The following DAG1 variants were observed in gnomAD, a reference collection of about 807,000 sequenced individuals.
The protein encoded by DAG1 is dystroglycan 1, also known as dystroglycan 1 (dystrophin-associated glycoprotein 1).
DAG1 carries 8 observed loss-of-function variants against 46.1 expected under a neutral mutation model. The ratio of observed to expected loss-of-function variants is 0.17; its 90% CI spans 0.10 to 0.31. The LOEUF is 0.31. DAG1 is among the 10% of genes least tolerant of loss of function. The pLI, the probability that DAG1 is intolerant of heterozygous loss-of-function variation, is 1.00. For synonymous variants in DAG1, 495 were observed against 481.8 expected, an observed-to-expected ratio of 1.03 and a Z score of -0.36; for missense variants, 1,003 against 1,189.9, an observed-to-expected ratio of 0.84 and a Z score of 2.31.
At chr3:49,513,419 C>G (rs546739511) in intron 2 of DAG1, among the ~76,000 whole-genome samples, 5 of 152,292 alleles carry the variant, frequency 3.3e-5, no homozygotes, top group Admixed American at 2.6e-4. Context: ...CTCCATTGGT[C>G]AAAGCACATA....
chr3:49,520,319 C>T (rs1024808064), intron 2 of DAG1, among the ~76,000 whole-genome samples: 3 of 152,234 alleles, frequency 2.0e-5, no homozygotes, highest in African/African-American at 7.2e-5. Context: ...AGCACCAAGG[C>T]TGATACTCCA....
At position 49,533,107 on chromosome 3, in the gene DAG1, C is replaced by T; in HGVS notation, c.2596C>T (p.Pro866Ser). 1 of 1,614,232 alleles carries T rather than the reference C, an allele frequency of 6.2e-7. No homozygotes were observed. The highest frequency in any genetic ancestry group is 8.5e-7 in the Non-Finnish European group (1 of 1,180,040). Residue 866 changes from proline to serine, a missense_variant, in exon 3 of 3, where the codon CCA (proline) becomes TCA (serine). By Grantham distance (74) the Pro-to-Ser change is moderately conservative (BLOSUM62 -1). Around this residue, in one of 3 missense-constraint regions of DAG1, gnomAD observed 755 missense variants for 854.1 expected, o/e 0.88. Transcript: ENST00000308775. ...EDPNAPPYQP[P>S]PPFTAPMEGK... ...TCCCAATGCGCCTCCCTACCAGCCC[C>T]CACCGCCCTTCACAGCACCCATGGA...
intron 1 of DAG1, among the ~76,000 whole-genome samples, chr3:49,495,899 C>T (rs534683389): frequency 4.6e-5 from 7 of 151,478 alleles, no homozygotes; most frequent in Non-Finnish European, 8.8e-5. Context: ...CCAGCCTGGG[C>T]GACAGAGCGA....
intron 2 of DAG1, among the ~76,000 whole-genome samples, chr3:49,524,701 G>T (rs71324972): frequency 6.6e-6 from 1 of 152,002 alleles, no homozygotes; most frequent in Non-Finnish European, 1.5e-5. Context: ...TATATTTAAG[G>T]GCTGGGCATG....
intron 1 of DAG1, among the ~76,000 whole-genome samples, chr3:49,473,802 T>TCC (rs2049596419): frequency 6.6e-6 from 1 of 151,956 alleles, no homozygotes; most frequent in African/African-American, 2.4e-5. Flanking sequence ...CAGCCTAATC[T>TCC]TGAACTCTTG....
chr3:49,475,948 C>T (rs958195517), intron 1 of DAG1, among the ~76,000 whole-genome samples: 7 of 151,942 alleles, frequency 4.6e-5, no homozygotes, highest in African/African-American at 1.7e-4. Context: ...ATCTCCTGAC[C>T]TCATGATCTG....
chr3:49,529,417 G>A (rs2051282199), intron 2 of DAG1, among the ~76,000 whole-genome samples: 1 of 152,214 alleles, frequency 6.6e-6, no homozygotes, highest in Non-Finnish European at 1.5e-5. Context: ...TGATAAGGCT[G>A]CTGCCTGGAC....
intron 1 of DAG1, among the ~76,000 whole-genome samples, chr3:49,492,516 C>T (rs2107356548): frequency 6.6e-6 from 1 of 151,908 alleles, no homozygotes; most frequent in East Asian, 1.9e-4. Context: ...TGTGGTGGTG[C>T]CATGTTTGTA....
At position 49,533,980 on chromosome 3, in the gene DAG1, T is replaced by C. The variant is rs1432003670; in HGVS notation, c.*781T>C. 3 of 156,100 alleles carry C rather than the reference T, an allele frequency of 1.9e-5. No homozygotes were observed. The highest frequency in any genetic ancestry group is 6.3e-5 in the Admixed American group (1 of 15,858). 9.7% of individuals were successfully genotyped at this position (156,100 alleles called of 1,614,324 possible). On this transcript the variant is annotated 3_prime_UTR_variant, in exon 3 of 3. Coordinates refer to ENST00000308775, the MANE Select transcript of DAG1 (RefSeq NM_004393.6). ...GAAGCTGGAGGGGTCTCTTGGGCCA[T>C]GGACATCCCCACTTCCAGCCCATGT...
rs1180942537 is a variant in DAG1, at chr3:49,530,829, T to G, written c.318T>G (p.Ser106=). The G allele has an allele frequency of 1.9e-6, 3 of 1,614,242 alleles. No homozygotes were observed. The Admixed American group carries it at 5.0e-5, about 27-fold the overall frequency. ...VSAAGKEALP[S]WLHWDSQSHT... The stretch of plus-strand genomic sequence containing the variant: ...CGGCAGGGAAGGAGGCTTTGCCATC[T>G]TGGCTGCACTGGGACTCACAGAGCC... Residue 106 remains serine (S), a synonymous_variant, in exon 3 of 3, where the codon TCT becomes TCG. Coordinates refer to ENST00000308775, the MANE Select transcript of DAG1 (RefSeq NM_004393.6).
chr3:49,530,781 CT>C lies in DAG1; in HGVS notation c.286-14del, dbSNP rs756390595. The C allele has an allele frequency of 1.9e-6, 3 of 1,614,052 alleles. No individual in the cohort carries two copies. The highest frequency in any genetic ancestry group is 2.7e-5 in the African/African-American group (2 of 74,922). ...GTGACAATAGTATTTTTAATTTATG[CT>C]TGTGTCTCTTCTAGGTATCAGCGGC... On this transcript the variant is annotated splice_polypyrimidine_tract_variant and intron_variant, in intron 2 of 2. Transcript: ENST00000308775.
chr3:49,515,170 A>G (rs2050864548), intron 2 of DAG1, among the ~76,000 whole-genome samples: 1 of 151,332 alleles, frequency 6.6e-6, no homozygotes, highest in Non-Finnish European at 1.5e-5. Context: ...GGGTTTCACC[A>G]TGTTGGCCAG....
At chr3:49,522,033 TTTTA>T (rs1056008920) in intron 2 of DAG1, among the ~76,000 whole-genome samples, 2 of 116,220 alleles carry the variant, frequency 1.7e-5, no homozygotes, top group South Asian at 4.4e-4. Flanking sequence ...TTTTACTTTA[TTTTA>T]TTTTTTTTTG....
chr3:49,513,533 G>A (rs1458580572), intron 2 of DAG1, among the ~76,000 whole-genome samples: 1 of 152,062 alleles, frequency 6.6e-6, no homozygotes, highest in Non-Finnish European at 1.5e-5. Flanking sequence ...CCTTGCAGAG[G>A]TGAGTCTGTG....
At chr3:49,529,241 C>A (rs2107895473) in intron 2 of DAG1, among the ~76,000 whole-genome samples, 1 of 152,032 alleles carries the variant, frequency 6.6e-6, no homozygotes, top group African/African-American at 2.4e-5. Flanking sequence ...CTGTGTTGGC[C>A]AGGGTGGTCT....
chr3:49,523,392 T>G (rs1364243101), intron 2 of DAG1, among the ~76,000 whole-genome samples: 1 of 152,152 alleles, frequency 6.6e-6, no homozygotes, highest in Admixed American at 6.5e-5. Context: ...CCACCTGTTT[T>G]AGGTTGAAGA....
intron 1 of DAG1, among the ~76,000 whole-genome samples, chr3:49,471,312 T>C (rs986629915): frequency 6.6e-6 from 1 of 152,136 alleles, no homozygotes; most frequent in African/African-American, 2.4e-5. Context: ...GGGAAGGTGG[T>C]GTTTATAGGA....
At chr3:49,526,568 T>A (rs985224266) in intron 2 of DAG1, among the ~76,000 whole-genome samples, 8 of 151,610 alleles carry the variant, frequency 5.3e-5, no homozygotes, top group Non-Finnish European at 8.8e-5. Context: ...AAAAAAAAAA[T>A]TAGCCGGGCA....
intron 2 of DAG1, among the ~76,000 whole-genome samples, chr3:49,524,040 G>A (rs1347308134): frequency 1.3e-5 from 2 of 152,250 alleles, no homozygotes; most frequent in Non-Finnish European, 2.9e-5. Context: ...GATCTGAGAA[G>A]AAGAGAAGTG....
Sources: allele counts gnomAD v4.1 joint callset (sites outside exome capture counted in the v4.1 genomes callset), GRCh38; gene constraint gnomAD v4.1.1; regional missense constraint gnomAD v4.1.1; transcripts MANE v1.5; gene names NCBI Gene and HGNC (gene_info 2026-07-23, HGNC 2026-07-21).